The following TENM4 variants were observed in gnomAD, a reference collection of about 807,000 sequenced individuals.
TENM4 encodes the protein teneurin transmembrane protein 4, also known as teneurin-4.
A neutral mutation model predicts 243.3 loss-of-function variants in TENM4; 82 were observed. The ratio of observed to expected loss-of-function variants is 0.34; its 90% confidence interval spans 0.28 to 0.40. The LOEUF is 0.40. Ranked by LOEUF, TENM4 falls within the 10% of genes least tolerant of loss-of-function variation. The probability of loss-of-function intolerance (pLI) is 1.00; values close to 1 mark genes in which losing one functional copy is unlikely to be tolerated. For missense variants in TENM4, 3,138 were observed against 3,673.3 expected (o/e 0.85, Z 3.77); for synonymous variants, 1,412 against 1,456.3 (o/e 0.97, Z 0.69).
chr11:79,174,524 G>A (rs146467544), intron 3 of TENM4, among the ~76,000 whole-genome samples: 27 of 152,182 alleles, frequency 1.8e-4, no homozygotes, highest in African/African-American at 6.5e-4. Context: ...CAGATCCACT[G>A]CTCTCCTTTT....
At chr11:78,775,686 C>A (rs752961557) in intron 17 of TENM4, among the ~76,000 whole-genome samples, 1 of 152,000 alleles carries the variant, frequency 6.6e-6, no homozygotes, top group Non-Finnish European at 1.5e-5. Flanking sequence ...GAGGCTAGTT[C>A]CGCAAACCCT....
intron 2 of TENM4, among the ~76,000 whole-genome samples, chr11:79,245,192 G>A (rs1855490614): frequency 6.6e-6 from 1 of 152,214 alleles, no homozygotes; most frequent in South Asian, 2.1e-4. Flanking sequence ...AAGCCTCTGA[G>A]AGGTAGCAGA....
chr11:79,225,288 G>A (rs1864241477), intron 2 of TENM4, among the ~76,000 whole-genome samples: 1 of 152,216 alleles, frequency 6.6e-6, no homozygotes, highest in Admixed American at 6.5e-5. Context: ...AAAGCAGACT[G>A]GAGCAGCAGA....
intron 2 of TENM4, among the ~76,000 whole-genome samples, chr11:79,258,313 C>T (rs988125431): frequency 1.3e-5 from 2 of 152,186 alleles, no homozygotes; most frequent in African/African-American, 4.8e-5. Flanking sequence ...AATGCATCTC[C>T]ACACTGGTAC....
chr11:79,132,360 A>AAAAAAAAAAAAAAAAAAAAAAAT (rs1862024850), intron 4 of TENM4, among the ~76,000 whole-genome samples: 1 of 150,220 alleles, frequency 6.7e-6, no homozygotes, highest in African/African-American at 2.4e-5. Flanking sequence ...AAAAAAAAAA[A>AAAAAAAAAAAAAAAAAAAAAAAT]AAGAGAAATG....
chr11:79,227,614 C>T (rs1864297318), intron 2 of TENM4, among the ~76,000 whole-genome samples: 1 of 152,130 alleles, frequency 6.6e-6, no homozygotes, highest in Non-Finnish European at 1.5e-5. Flanking sequence ...GGGAGGCAGC[C>T]CTAGAAGGAG....
chr11:79,277,685 T>C (rs1255993331), intron 2 of TENM4, among the ~76,000 whole-genome samples: 1 of 152,208 alleles, frequency 6.6e-6, no homozygotes. Flanking sequence ...GGCCTGCTGC[T>C]GTCAGGCAGA....
At chr11:79,314,228 T>A (rs1856768042) in intron 1 of TENM4, among the ~76,000 whole-genome samples, 1 of 152,212 alleles carries the variant, frequency 6.6e-6, no homozygotes. Flanking sequence ...GGTGTCACCA[T>A]GAAACTCAAG....
At chr11:79,401,023 A>C (rs1858449888) in intron 1 of TENM4, among the ~76,000 whole-genome samples, 1 of 152,224 alleles carries the variant, frequency 6.6e-6, no homozygotes, top group Admixed American at 6.5e-5. Flanking sequence ...TATGATTACT[A>C]AAAAACAGAA....
chr11:78,699,288 A>G (rs1859048198), intron 28 of TENM4, among the ~76,000 whole-genome samples: 1 of 152,250 alleles, frequency 6.6e-6, no homozygotes, highest in African/African-American at 2.4e-5. Flanking sequence ...TCGTACAGAT[A>G]AGTCACAAAG....
intron 1 of TENM4, among the ~76,000 whole-genome samples, chr11:79,388,799 C>A (rs539041310): frequency 6.6e-6 from 1 of 152,252 alleles, no homozygotes; most frequent in Admixed American, 6.5e-5. Flanking sequence ...TAAAGCATGA[C>A]AAAATACAAG....
intron 10 of TENM4, among the ~76,000 whole-genome samples, chr11:78,858,397 C>T: frequency 6.6e-6 from 1 of 152,024 alleles, no homozygotes; most frequent in South Asian, 2.1e-4. Context: ...TGCTCTGGGG[C>T]ATATCCTCTA....
chr11:78,672,292 C>A lies in TENM4; in HGVS notation c.5534G>T (p.Arg1845Leu). 6 of 1,612,760 alleles carry A rather than the reference C, an allele frequency of 3.7e-6. No homozygotes were observed. Among genetic ancestry groups the A allele is most frequent in the South Asian group, 1.1e-5 (1 of 91,042 alleles). Residue 1845 changes from arginine (R) to leucine (L), a missense_variant, in exon 31 of 34, where the codon CGC becomes CTC. By Grantham distance (102) the Arg-to-Leu change is moderately radical. Coordinates refer to ENST00000278550, the MANE Select transcript of TENM4 (RefSeq NM_001098816.3). ...ATAGATCTTCTCTGTGCGTGTTACG[C>A]GATCAAAGTCCAGAGATAGGAGATT... is the stretch of plus-strand genomic sequence containing the variant. ...NRNLLSLDFDRVTRTEKIYDD... is the reference protein window; with the variant it reads ...NRNLLSLDFDLVTRTEKIYDD...
rs573395610 is a variant in TENM4 at position 79,201,137 on chromosome 11, C to A, written c.-163+14671G>T. 2.0e-5 allele frequency among the ~76,000 whole-genome samples: 3 copies of A among 152,304 alleles called. No homozygotes were observed. The East Asian group carries it at 5.8e-4, about 29-fold the overall frequency. On this transcript the variant is annotated intron_variant, in intron 3 of 33. Coordinates refer to ENST00000278550, the MANE Select transcript of TENM4 (RefSeq NM_001098816.3). Reference sequence around the variant, plus strand: ...CATCACACAACACAGAGAATATGATCTTGGCTGGAAGAAGGCAGTTGGGAA... The same window carrying A: ...CATCACACAACACAGAGAATATGATATTGGCTGGAAGAAGGCAGTTGGGAA...
chr11:78,798,028 G>C (rs74442859), intron 15 of TENM4, among the ~76,000 whole-genome samples: 2,375 of 152,246 alleles, frequency 0.016, 32 homozygotes, highest in Non-Finnish European at 0.025. Context: ...CTTGTAACAG[G>C]GGAGAATGCT....
chr11:79,134,718 A>G (rs1282881255), intron 4 of TENM4, among the ~76,000 whole-genome samples: 2 of 152,188 alleles, frequency 1.3e-5, no homozygotes, highest in African/African-American at 4.8e-5. Flanking sequence ...CTGATCTTCG[A>G]CAAAGCAAAC....
intron 8 of TENM4, among the ~76,000 whole-genome samples, chr11:78,890,965 C>T (rs1363781064): frequency 4.6e-5 from 7 of 152,194 alleles, no homozygotes; most frequent in African/African-American, 1.7e-4. Context: ...AGGGCCTGTG[C>T]TGCATTAAAA....
intron 3 of TENM4, among the ~76,000 whole-genome samples, chr11:79,185,184 T>A (rs985852579): frequency 1.3e-5 from 2 of 151,966 alleles, no homozygotes; most frequent in African/African-American, 4.8e-5. Context: ...TGCAGTCCCA[T>A]CTACTTGAGA....
At chr11:79,281,643 C>T (rs1856159217) in intron 2 of TENM4, among the ~76,000 whole-genome samples, 1 of 152,132 alleles carries the variant, frequency 6.6e-6, no homozygotes, top group South Asian at 2.1e-4. Context: ...AATAAGGCTC[C>T]TAGCGGGGGT....
Sources: gnomAD v4.1 joint callset for allele counts (sites outside exome capture counted in the v4.1 genomes callset) on GRCh38, gnomAD v4.1.1 for gene constraint, MANE v1.5 for transcripts, NCBI Gene and HGNC (gene_info 2026-07-23, HGNC 2026-07-21) for gene names.